CILK1: variants seen among roughly 807,000 people sequenced by gnomAD.
CILK1 encodes ciliogenesis associated kinase 1.
In CILK1, 47 loss-of-function variants were observed where a neutral mutation model predicts 79.2. The ratio of observed to expected loss-of-function variants is 0.59; its 90% confidence interval spans 0.47 to 0.76. CILK1 has a LOEUF of 0.76. CILK1 is among the 30% of genes least tolerant of loss of function. The probability of loss-of-function intolerance (pLI) is 0.00; values close to 1 mark genes in which losing one functional copy is unlikely to be tolerated. For missense variants in CILK1, 660 were observed against 769.5 expected, an observed-to-expected ratio of 0.86 and a Z score of 1.68; for synonymous variants, 266 against 275.9, an observed-to-expected ratio of 0.96 and a Z score of 0.36.
chr6:53,022,279 C>T (rs1411320515), intron 5 of CILK1, among the ~76,000 whole-genome samples: 3 of 152,200 alleles, frequency 2.0e-5, no homozygotes, highest in African/African-American at 7.2e-5. Flanking sequence ...TACTCACTCA[C>T]TGATTCACCC....
At chr6:53,009,676 A>G (rs1039804008) in intron 11 of CILK1, 109 bp from the exon 12 acceptor site, 1 of 946,568 alleles carries the variant, frequency 1.1e-6, no homozygotes, top group Non-Finnish European at 1.6e-6. Context: ...TCTCTATGAT[A>G]CAATAATCAA....
chr6:53,053,300 T>A (rs918257741), intron 1 of CILK1, among the ~76,000 whole-genome samples: 6 of 152,220 alleles, frequency 3.9e-5, no homozygotes, highest in Non-Finnish European at 7.3e-5. Context: ...TATTTCTAAC[T>A]CGCAGTATTT....
intron 11 of CILK1, among the ~76,000 whole-genome samples, chr6:53,011,450 T>G (rs1177802160): frequency 2.0e-5 from 3 of 152,052 alleles, no homozygotes; most frequent in Non-Finnish European, 4.4e-5. Flanking sequence ...AATACAAAAA[T>G]TAGCCAGGCA....
intron 5 of CILK1, among the ~76,000 whole-genome samples, chr6:53,024,833 C>T (rs80264368): frequency 1.3e-4 from 17 of 133,884 alleles, no homozygotes; most frequent in Admixed American, 3.1e-4. Context: ...ATAGCTAAAT[C>T]TTTTTTTTTT....
chr6:53,016,647 A>G (rs1329950683), intron 7 of CILK1, among the ~76,000 whole-genome samples: 1 of 152,234 alleles, frequency 6.6e-6, no homozygotes, highest in Non-Finnish European at 1.5e-5. Flanking sequence ...TCCTGGACAA[A>G]TAAATTTGTG....
At chr6:53,022,737 A>T (rs1174138970) in intron 5 of CILK1, among the ~76,000 whole-genome samples, 1 of 152,136 alleles carries the variant, frequency 6.6e-6, no homozygotes, top group Admixed American at 6.5e-5. Flanking sequence ...CCATTATGCC[A>T]TTCTAACATG....
chr6:53,014,549 T>TA (rs1024234720), intron 8 of CILK1, among the ~76,000 whole-genome samples: 22 of 152,356 alleles, frequency 1.4e-4, no homozygotes, highest in African/African-American at 5.3e-4. Context: ...AGAGATAACT[T>TA]AAAGTTTAGG....
chr6:53,037,412 C>G (rs1448352618), intron 3 of CILK1, among the ~76,000 whole-genome samples: 1 of 130,006 alleles, frequency 7.7e-6, no homozygotes, highest in African/African-American at 2.8e-5. Context: ...CAAGGAGGAA[C>G]GGATGAGGAA....
At position 53,041,117 on chromosome 6, in the gene CILK1, A is replaced by G. The variant is rs1294443969; in HGVS notation, c.101+19T>C. 6.7e-7 allele frequency: 1 copy of G among 1,484,112 alleles called. No individual in the cohort carries two copies. Among genetic ancestry groups the G allele is most frequent in the South Asian group, 1.1e-5 (1 of 88,500 alleles). The allele number at this position is 1,484,112 out of a possible 1,614,324, so 91.9% of individuals were successfully genotyped here. On this transcript the variant is annotated intron_variant, in intron 2 of 13. Coordinates refer to ENST00000676107, the MANE Select transcript of CILK1 (RefSeq NM_014920.5). ...AGGGTAGAGTTAAAATTATCATGGC[A>G]GTGAAGGATCAAACTTACTTTTTAA...
At position 53,061,710 on chromosome 6, in the gene CILK1, G is replaced by C. The variant is rs1414114359; in HGVS notation, c.-287C>G. On this transcript the variant is annotated 5_prime_UTR_variant, in exon 1 of 14. Coordinates refer to ENST00000676107, the MANE Select transcript of CILK1 (RefSeq NM_014920.5). ...ATGGGGACAATCCCTGCTAGGACCG[G>C]CCGAGGGCTCCGTACAGGGACGCCC... The C allele has an allele frequency of 6.6e-6, 1 of 152,298 alleles. No individual in the cohort carries two copies. Among genetic ancestry groups the C allele is most frequent in the African/African-American group, 2.4e-5 (1 of 41,470 alleles). The allele number at this position is 152,298 out of a possible 1,614,324, so 9.4% of individuals were successfully genotyped here.
At chr6:53,054,226 C>T (rs986968478) in intron 1 of CILK1, among the ~76,000 whole-genome samples, 4 of 152,112 alleles carry the variant, frequency 2.6e-5, no homozygotes, top group Non-Finnish European at 4.4e-5. Context: ...CATATAGACC[C>T]GAGAATGGTC....
intron 1 of CILK1, among the ~76,000 whole-genome samples, chr6:53,044,360 T>A (rs1229520392): frequency 1.3e-5 from 2 of 152,220 alleles, no homozygotes; most frequent in Non-Finnish European, 1.5e-5. Context: ...CCTGATGATC[T>A]GAGGTGGAGC....
chr6:53,010,943 T>C (rs1455603763), intron 11 of CILK1, among the ~76,000 whole-genome samples: 2 of 152,236 alleles, frequency 1.3e-5, no homozygotes, highest in Non-Finnish European at 2.9e-5. Flanking sequence ...TGTGACCCAG[T>C]GGCCCTGCCT....
chr6:53,017,862 G>C lies in CILK1; in HGVS notation c.663+468C>G, dbSNP rs1764984481. 3.3e-5 allele frequency among the ~76,000 whole-genome samples: 5 copies of C among 152,184 alleles called. No individual in the cohort carries two copies. The South Asian group carries it at 1.0e-3, about 31-fold the overall frequency. On this transcript the variant is annotated intron_variant, in intron 7 of 13. Transcript: ENST00000676107. ...GGTGGGGGCTCTGGGATTATGATCA[G>C]ACCACAAATGAAAATGGAGAATGAA...
At chr6:53,044,204 G>T (rs1766904242) in intron 1 of CILK1, among the ~76,000 whole-genome samples, 1 of 152,188 alleles carries the variant, frequency 6.6e-6, no homozygotes, top group Admixed American at 6.5e-5. Flanking sequence ...AGCAGGAGGA[G>T]AGCAGTGGGT....
chr6:53,011,338 C>T (rs957509461), intron 11 of CILK1, among the ~76,000 whole-genome samples: 1 of 152,164 alleles, frequency 6.6e-6, no homozygotes, highest in Non-Finnish European at 1.5e-5. Flanking sequence ...TGGCTCATGC[C>T]TGTAATTCCA....
intron 11 of CILK1, among the ~76,000 whole-genome samples, chr6:53,010,175 C>A (rs185725488): frequency 2.6e-5 from 4 of 152,350 alleles, no homozygotes; most frequent in Admixed American, 2.6e-4. Context: ...CATACTGGAT[C>A]ACTCTATACC....
chr6:53,011,129 G>A (rs887636133), intron 11 of CILK1, among the ~76,000 whole-genome samples: 1 of 152,154 alleles, frequency 6.6e-6, no homozygotes, highest in Non-Finnish European at 1.5e-5. Context: ...GTACTGCCAG[G>A]ACAGTGTGAC....
At chr6:53,044,036 G>C (rs1188812978) in intron 1 of CILK1, among the ~76,000 whole-genome samples, 2 of 152,220 alleles carry the variant, frequency 1.3e-5, no homozygotes, top group African/African-American at 4.8e-5. Context: ...CTTGTGGAAA[G>C]AGTTGGCAGA....
Sources: allele counts gnomAD v4.1 joint callset (sites outside exome capture counted in the v4.1 genomes callset), GRCh38; gene constraint gnomAD v4.1.1; transcripts MANE v1.5; gene names NCBI Gene and HGNC (gene_info 2026-07-23, HGNC 2026-07-21).